APBA2: variants seen among roughly 807,000 people sequenced by gnomAD.
APBA2 encodes the protein amyloid beta precursor protein binding family A member 2.
APBA2 carries 30 observed loss-of-function variants against 75.0 expected under a neutral mutation model. That is an observed-to-expected ratio of 0.40 (90% CI 0.30 to 0.54). The LOEUF (loss-of-function observed/expected upper bound fraction) is 0.54. APBA2 is among the 20% of genes least tolerant of loss of function. The probability of loss-of-function intolerance (pLI) is 0.49; values close to 1 mark genes in which losing one functional copy is unlikely to be tolerated. For missense variants in APBA2, 801 were observed against 1,016.1 expected (o/e 0.79, Z 2.88); for synonymous variants, 444 against 409.6 (o/e 1.08, Z -1.01).
chr15:28,919,151 C>T (rs2152665943), intron 1 of APBA2, among the ~76,000 whole-genome samples: 1 of 152,320 alleles, frequency 6.6e-6, no homozygotes, highest in East Asian at 1.9e-4. Flanking sequence ...TGAGCCACTG[C>T]GCCCGGCCGG....
At chr15:29,040,258 T>C (rs2040967237) in intron 3 of APBA2, among the ~76,000 whole-genome samples, 1 of 152,216 alleles carries the variant, frequency 6.6e-6, no homozygotes, top group Admixed American at 6.5e-5. Flanking sequence ...CTCATTCTGC[T>C]TTGCCCTCAG....
chr15:28,894,490 T>C (rs1408518949), intron 1 of APBA2, among the ~76,000 whole-genome samples: 1 of 152,082 alleles, frequency 6.6e-6, no homozygotes, highest in Non-Finnish European at 1.5e-5. Context: ...GACCCCATCC[T>C]ATAAGAGTGG....
intron 3 of APBA2, among the ~76,000 whole-genome samples, chr15:28,998,649 G>T (rs1304379099): frequency 6.6e-6 from 1 of 152,188 alleles, no homozygotes; most frequent in Non-Finnish European, 1.5e-5. Flanking sequence ...TGACATTTGT[G>T]CAGGGAGAGA....
intron 6 of APBA2, among the ~76,000 whole-genome samples, chr15:29,076,386 T>C (rs1291983881): frequency 1.1e-4 from 16 of 152,154 alleles, no homozygotes; most frequent in Non-Finnish European, 1.8e-4. Context: ...GATGTGTCTT[T>C]ATAAGCAGCT....
intron 3 of APBA2, among the ~76,000 whole-genome samples, chr15:29,043,098 G>A (rs16954997): frequency 0.026 from 3,955 of 152,210 alleles, 176 homozygotes; most frequent in African/African-American, 0.09. Flanking sequence ...GCAAATACCG[G>A]CCAGGCCAGA....
At chr15:29,103,110 C>T (rs1034559720) in intron 10 of APBA2, among the ~76,000 whole-genome samples, 3 of 152,214 alleles carry the variant, frequency 2.0e-5, no homozygotes, top group Non-Finnish European at 2.9e-5. Flanking sequence ...GTGTGAGAGA[C>T]CTGGCTTGGG....
chr15:28,909,312 C>T (rs1222599222), intron 1 of APBA2, among the ~76,000 whole-genome samples: 9 of 152,286 alleles, frequency 5.9e-5, no homozygotes, highest in African/African-American at 2.2e-4. Flanking sequence ...CATTCTGTCT[C>T]TGTGAATTTG....
chr15:28,937,181 T>C (rs2034926029), intron 2 of APBA2, among the ~76,000 whole-genome samples: 1 of 152,276 alleles, frequency 6.6e-6, no homozygotes, highest in Admixed American at 6.5e-5. Context: ...GACAGTGTGC[T>C]GCCAGGAGGG....
intron 6 of APBA2, among the ~76,000 whole-genome samples, chr15:29,078,680 C>T (rs965280798): frequency 6.6e-6 from 1 of 151,266 alleles, no homozygotes; most frequent in Non-Finnish European, 1.5e-5. Context: ...GGTTCGATGG[C>T]TCTGTGATGT....
chr15:28,909,038 G>C (rs2033291267), intron 1 of APBA2, among the ~76,000 whole-genome samples: 1 of 148,550 alleles, frequency 6.7e-6, no homozygotes, highest in African/African-American at 2.5e-5. Flanking sequence ...CCAGGCTGGA[G>C]TGCAGTGGTG....
At chr15:29,002,978 A>G (rs2038928969) in intron 3 of APBA2, among the ~76,000 whole-genome samples, 1 of 152,120 alleles carries the variant, frequency 6.6e-6, no homozygotes, top group Admixed American at 6.5e-5. Flanking sequence ...AAGCGTGTAT[A>G]TATAACTGAA....
At chr15:28,935,566 A>G (rs902099204) in intron 2 of APBA2, among the ~76,000 whole-genome samples, 3 of 152,186 alleles carry the variant, frequency 2.0e-5, no homozygotes, top group Non-Finnish European at 4.4e-5. Flanking sequence ...AGGTTGCAGC[A>G]TGAAGTTCAG....
intron 3 of APBA2, among the ~76,000 whole-genome samples, chr15:28,999,692 C>T (rs1413668527): frequency 6.6e-6 from 1 of 152,078 alleles, no homozygotes; most frequent in African/African-American, 2.4e-5. Context: ...GAAAGGGATT[C>T]AGTGTTGTAT....
chr15:28,890,712 C>CTG (rs1482654882), intron 1 of APBA2, among the ~76,000 whole-genome samples: 1 of 152,224 alleles, frequency 6.6e-6, no homozygotes, highest in African/African-American at 2.4e-5. Flanking sequence ...GCTTGAGAGT[C>CTG]TTTCTCAGCA....
chr15:29,035,872 A>G (rs927174374), intron 3 of APBA2, among the ~76,000 whole-genome samples: 30 of 152,326 alleles, frequency 2.0e-4, no homozygotes, highest in African/African-American at 6.7e-4. Flanking sequence ...AAAGCAGGCC[A>G]GAGAGGACAG....
chr15:28,931,666 C>T (rs1406558556), intron 2 of APBA2, among the ~76,000 whole-genome samples: 3 of 152,172 alleles, frequency 2.0e-5, no homozygotes, highest in Non-Finnish European at 4.4e-5. Context: ...AGTTGTTTCT[C>T]CCTCTGAGAG....
chr15:29,086,483 T>A (rs2043298884), intron 6 of APBA2, among the ~76,000 whole-genome samples: 1 of 152,254 alleles, frequency 6.6e-6, no homozygotes, highest in African/African-American at 2.4e-5. Context: ...CTAATGATAC[T>A]TTGTCAGGTT....
chr15:29,087,611 A>C (rs1430987209), intron 6 of APBA2, among the ~76,000 whole-genome samples: 3 of 152,178 alleles, frequency 2.0e-5, no homozygotes, highest in Non-Finnish European at 4.4e-5. Context: ...CAGTGGGGGC[A>C]TCTCAAGGCA....
At chr15:29,031,381 C>T (rs781292498) in intron 3 of APBA2, among the ~76,000 whole-genome samples, 8 of 152,298 alleles carry the variant, frequency 5.3e-5, no homozygotes, top group Non-Finnish European at 7.3e-5. Flanking sequence ...CTGGCCTCCT[C>T]GGGCCGTCTC....
Sources: gnomAD v4.1 joint callset for allele counts (sites outside exome capture counted in the v4.1 genomes callset) on GRCh38, gnomAD v4.1.1 for gene constraint, MANE v1.5 for transcripts, NCBI Gene and HGNC (gene_info 2026-07-23, HGNC 2026-07-21) for gene names.